HOMER1: variants seen among roughly 807,000 people sequenced by gnomAD.
The protein encoded by HOMER1 is homer protein homolog 1.
HOMER1 carries 3 observed loss-of-function variants against 48.9 expected under a neutral mutation model. That is an observed-to-expected ratio of 0.06 (90% CI 0.03 to 0.16). The LOEUF (loss-of-function observed/expected upper bound fraction) is 0.16. Ranked by LOEUF, HOMER1 falls within the 10% of genes least tolerant of loss-of-function variation. The pLI is 1.00. For synonymous variants in HOMER1, 134 were observed against 146.4 expected (o/e 0.92, Z 0.61); for missense variants, 247 against 411.4 (o/e 0.60, Z 3.46).
chr5:79,490,770 A>C (rs1481461564), intron 1 of HOMER1, among the ~76,000 whole-genome samples: 13 of 134,148 alleles, frequency 9.7e-5, no homozygotes, highest in South Asian at 2.3e-4. Context: ...CATCTCTACC[A>C]AAAAAAAAAA....
At chr5:79,448,844 G>A (rs899735139) in intron 3 of HOMER1, among the ~76,000 whole-genome samples, 3 of 151,970 alleles carry the variant, frequency 2.0e-5, no homozygotes, top group Admixed American at 1.3e-4. Context: ...CAAGTTCTGT[G>A]AGTATATAAG....
intron 8 of HOMER1, among the ~76,000 whole-genome samples, chr5:79,392,341 A>G (rs1000129867): frequency 3.9e-5 from 6 of 152,144 alleles, no homozygotes; most frequent in African/African-American, 1.4e-4. Context: ...GTGGGACAAG[A>G]TGTGGAGGTA....
At chr5:79,386,606 GTTA>G (rs1396019391) in intron 8 of HOMER1, among the ~76,000 whole-genome samples, 1 of 152,166 alleles carries the variant, frequency 6.6e-6, no homozygotes, top group African/African-American at 2.4e-5. Flanking sequence ...TTTCAAAGTA[GTTA>G]TAAGAGAGGG....
intron 2 of HOMER1, among the ~76,000 whole-genome samples, chr5:79,454,901 C>A (rs6874510): frequency 0.21 from 31,985 of 152,100 alleles, 3,691 homozygotes; most frequent in East Asian, 0.37. Context: ...CTTTTCACAA[C>A]AACCCTATGG....
At chr5:79,395,843 A>G (rs1749368273) in intron 8 of HOMER1, among the ~76,000 whole-genome samples, 1 of 152,214 alleles carries the variant, frequency 6.6e-6, no homozygotes, top group South Asian at 2.1e-4. Context: ...GATTAAATGC[A>G]TAATACAGGT....
intron 1 of HOMER1, among the ~76,000 whole-genome samples, chr5:79,472,243 C>T (rs1018184382): frequency 6.6e-6 from 1 of 152,068 alleles, no homozygotes; most frequent in African/African-American, 2.4e-5. Context: ...GGTGGAATTA[C>T]AAGTGACTTA....
chr5:79,458,214 T>C (rs986526836), intron 1 of HOMER1, among the ~76,000 whole-genome samples: 20 of 152,092 alleles, frequency 1.3e-4, no homozygotes, highest in African/African-American at 4.8e-4. Context: ...CTATATATAA[T>C]AGAAGCATCG....
chr5:79,402,091 A>C (rs1435047607), intron 5 of HOMER1, 36 bp from the exon 6 acceptor site: 3 of 1,561,798 alleles, frequency 1.9e-6, no homozygotes, highest in South Asian at 2.3e-5. Context: ...TATCCATTAC[A>C]CCAACTACTG....
chr5:79,383,616 C>A (rs998407774), intron 8 of HOMER1, among the ~76,000 whole-genome samples: 2 of 152,062 alleles, frequency 1.3e-5, no homozygotes, highest in African/African-American at 4.8e-5. Context: ...GAACTCCTGA[C>A]CTTGTGATCT....
At chr5:79,385,206 C>T (rs1242154163) in intron 8 of HOMER1, among the ~76,000 whole-genome samples, 1 of 152,080 alleles carries the variant, frequency 6.6e-6, no homozygotes, top group Non-Finnish European at 1.5e-5. Flanking sequence ...TAGGCAAAGA[C>T]TTCATGTCTA....
chr5:79,490,198 A>T (rs1425009869), intron 1 of HOMER1, among the ~76,000 whole-genome samples: 6 of 152,250 alleles, frequency 3.9e-5, no homozygotes, highest in Admixed American at 2.0e-4. Context: ...TAGACAAGGC[A>T]ATCCATGCCC....
At chr5:79,405,706 T>C (rs145208339) in intron 5 of HOMER1, among the ~76,000 whole-genome samples, 2 of 152,358 alleles carry the variant, frequency 1.3e-5, no homozygotes, top group East Asian at 1.9e-4. Flanking sequence ...GCTTAGTCAA[T>C]GCACTAAATG....
chr5:79,378,072 T>A (rs556008646), intron 8 of HOMER1, among the ~76,000 whole-genome samples: 76 of 151,838 alleles, frequency 5.0e-4, no homozygotes, highest in African/African-American at 1.8e-3. Context: ...ATATAAAAAT[T>A]AGCCAGGCGT....
intron 5 of HOMER1, among the ~76,000 whole-genome samples, chr5:79,421,999 G>A (rs1290484446): frequency 6.6e-6 from 1 of 152,110 alleles, no homozygotes; most frequent in Non-Finnish European, 1.5e-5. Flanking sequence ...GGCCAAGGAG[G>A]GTGAATCATT....
intron 5 of HOMER1, among the ~76,000 whole-genome samples, chr5:79,402,944 A>G (rs1749570998): frequency 6.6e-6 from 1 of 152,200 alleles, no homozygotes; most frequent in Admixed American, 6.5e-5. Context: ...CTGGTTCTAA[A>G]GACTTGACTT....
At chr5:79,391,515 T>C (rs963800797) in intron 8 of HOMER1, among the ~76,000 whole-genome samples, 1 of 150,082 alleles carries the variant, frequency 6.7e-6, no homozygotes, top group Admixed American at 6.6e-5. Flanking sequence ...GAGGCCGAGG[T>C]GGGCAGATCA....
Position 79,392,954 on chromosome 5 carries a change from G to GGAGAGAGAGAGAGAGAGAGAGAGAGAGA in HOMER1, c.876+3841_876+3868dup, listed in dbSNP as rs3082001. On this transcript the variant is annotated intron_variant, in intron 8 of 8. Coordinates refer to ENST00000334082, the MANE Select transcript of HOMER1 (RefSeq NM_004272.5). ...GGGAGGGAGGGAAAAGAAGGGAAAG[G>GGAGAGAGAGAGAGAGAGAGAGAGAGAGA]GAGAGAGAGAGAGAGAGAGAGAGAG... Among the ~76,000 whole-genome samples the GGAGAGAGAGAGAGAGAGAGAGAGAGAGA allele has an allele frequency of 5.0e-5, 7 of 140,958 alleles. No individual in the cohort carries two copies. The South Asian group carries it at 1.4e-3, about 29-fold the overall frequency. The allele number at this position is 140,958 out of a possible 152,430, so 92.5% of individuals were successfully genotyped here. A position where few individuals can be genotyped will look rare whatever the true frequency, so the allele number is the denominator to read the frequency against.
At chr5:79,379,364 TTA>T (rs1309907200) in intron 8 of HOMER1, among the ~76,000 whole-genome samples, 9 of 110,156 alleles carry the variant, frequency 8.2e-5, no homozygotes, top group Admixed American at 5.1e-4. Context: ...ATATAAATAT[TTA>T]TATATATTTA....
rs77122315 is a variant in HOMER1, at chr5:79,472,518, T to C, written c.6-15500A>G. On this transcript the variant is annotated intron_variant, in intron 1 of 8. Coordinates refer to ENST00000334082, the MANE Select transcript of HOMER1 (RefSeq NM_004272.5). ...TAGGCCAGGCGTGGTGGCTCATGCT[T>C]GTATTCCCAGGAATGGGAGGCTGAG... is the stretch of plus-strand genomic sequence containing the variant. 7.9e-4 allele frequency among the ~76,000 whole-genome samples: 120 copies of C among 152,194 alleles called. 5 individuals carry two copies. The East Asian group carries it at 0.022, about 27-fold the overall frequency.
Sources: allele counts gnomAD v4.1 joint callset (sites outside exome capture counted in the v4.1 genomes callset), GRCh38; gene constraint gnomAD v4.1.1; transcripts MANE v1.5; gene names NCBI Gene and HGNC (gene_info 2026-07-23, HGNC 2026-07-21).